The following FYB1 variants were observed in gnomAD, a reference collection of about 807,000 sequenced individuals.
FYB1 encodes the protein FYN-binding protein 1.
Under a neutral mutation model 94.1 loss-of-function variants are expected in FYB1, and 41 were observed. That is an observed-to-expected ratio of 0.44 (90% CI 0.34 to 0.57). FYB1 has a LOEUF of 0.57. Ranked by LOEUF, FYB1 falls within the 20% of genes least tolerant of loss-of-function variation. The pLI is 0.02. For missense variants in FYB1, 1,050 were observed against 976.8 expected (o/e 1.07, Z -1.00); for synonymous variants, 367 against 353.2 (o/e 1.04, Z -0.44).
At chr5:39,244,691 AT>A (rs1473382820) in intron 1 of FYB1, among the ~76,000 whole-genome samples, 1 of 152,040 alleles carries the variant, frequency 6.6e-6, no homozygotes, top group Admixed American at 6.6e-5. Flanking sequence ...TTTTCTATTG[AT>A]TGGAATAGTT....
At chr5:39,265,045 C>T (rs1055376022) in intron 1 of FYB1, among the ~76,000 whole-genome samples, 17 of 152,238 alleles carry the variant, frequency 1.1e-4, no homozygotes, top group Middle Eastern at 3.4e-3. Flanking sequence ...ATTAGAAATG[C>T]ACATTTTTGG....
chr5:39,218,235 C>T (rs1485285185), intron 1 of FYB1, among the ~76,000 whole-genome samples: 1 of 152,176 alleles, frequency 6.6e-6, no homozygotes, highest in Non-Finnish European at 1.5e-5. Flanking sequence ...CTTAAGTGCA[C>T]CATAACGCCT....
intron 1 of FYB1, among the ~76,000 whole-genome samples, chr5:39,237,528 G>C (rs548845781): frequency 6.6e-6 from 1 of 151,968 alleles, no homozygotes; most frequent in East Asian, 1.9e-4. Flanking sequence ...CAATCAATAA[G>C]ATATCATCAT....
chr5:39,168,199 G>C (rs62358713), intron 2 of FYB1, among the ~76,000 whole-genome samples: 51 of 152,100 alleles, frequency 3.4e-4, no homozygotes, highest in African/African-American at 1.1e-3. Flanking sequence ...TTTAATTAAA[G>C]TGCCGTAATC....
Position 39,134,288 on chromosome 5 carries a change from G to T in FYB1, c.1737C>A (p.Asp579Glu). 6.2e-7 allele frequency: 1 copy of T among 1,611,026 alleles called. No homozygotes were observed. Among genetic ancestry groups the T allele is most frequent in the Non-Finnish European group, 8.5e-7 (1 of 1,177,454 alleles). ...IDYDSLKLKK[D>E]SLGAPSRPIE... is the part of the protein sequence containing the mutation. ...TAGGTCTTGAAGGGGCACCAAGAGAGTCTTTTTTCAGTTTCAAAGAATCAT... is the reference window on the plus strand; with the variant it reads ...TAGGTCTTGAAGGGGCACCAAGAGATTCTTTTTTCAGTTTCAAAGAATCAT... Residue 579 changes from aspartate to glutamate, a missense_variant, in exon 9 of 19, where the codon GAC (aspartate) becomes GAA (glutamate). By Grantham distance (45) the Asp-to-Glu change is conservative. Transcript: ENST00000512982.
At chr5:39,214,402 G>C (rs1014103929) in intron 1 of FYB1, among the ~76,000 whole-genome samples, 6 of 152,170 alleles carry the variant, frequency 3.9e-5, no homozygotes, top group Admixed American at 1.3e-4. Context: ...ATACCCAAAA[G>C]AACTGAAAGC....
At chr5:39,111,093 T>C (rs1471817395) in intron 16 of FYB1, among the ~76,000 whole-genome samples, 3 of 151,850 alleles carry the variant, frequency 2.0e-5, no homozygotes, top group Non-Finnish European at 4.4e-5. Context: ...AGCTAAGTTT[T>C]GTTGTTGTTG....
intron 2 of FYB1, among the ~76,000 whole-genome samples, chr5:39,163,926 T>C (rs1230686220): frequency 6.6e-6 from 1 of 152,186 alleles, no homozygotes; most frequent in African/African-American, 2.4e-5. Flanking sequence ...GCACTAGAAA[T>C]CAAGTTTTAG....
intron 2 of FYB1, among the ~76,000 whole-genome samples, chr5:39,163,872 G>T (rs978438157): frequency 1.3e-5 from 2 of 152,068 alleles, no homozygotes; most frequent in Non-Finnish European, 2.9e-5. Context: ...AATATGAAAA[G>T]TTATTTTAAA....
chr5:39,239,263 T>C (rs1185075731), intron 1 of FYB1, among the ~76,000 whole-genome samples: 4 of 151,862 alleles, frequency 2.6e-5, no homozygotes, highest in African/African-American at 7.3e-5. Flanking sequence ...AGAAAAGTAT[T>C]TTCACTCTCA....
At chr5:39,200,763 C>T (rs898740796) in intron 2 of FYB1, among the ~76,000 whole-genome samples, 7 of 152,112 alleles carry the variant, frequency 4.6e-5, no homozygotes, top group Admixed American at 6.5e-5. Context: ...AGTGCAAAAA[C>T]GAAAAACAAC....
chr5:39,201,965 C>G lies in FYB1; in HGVS notation c.996G>C (p.Lys332Asn). The G allele has an allele frequency of 6.2e-7, 1 of 1,614,002 alleles. No individual in the cohort carries two copies. Among genetic ancestry groups the G allele is most frequent in the Non-Finnish European group, 8.5e-7 (1 of 1,179,890 alleles). ...VGGPWGQSQE[K>N]EKGDKNSATP... ...TGGCTGAATTCTTGTCTCCCTTTTC[C>G]TTTTCCTGACTTTGGCCCCATGGCC... is the stretch of plus-strand genomic sequence containing the variant. The change falls in exon 2 of 19, where the codon AAG becomes AAC. Residue 332 changes from lysine to asparagine, a missense_variant. Lys to Asn is a moderately conservative substitution (Grantham distance 94). Transcript: ENST00000512982.
chr5:39,126,177 G>T, intron 11 of FYB1, 42 bp from the exon 12 acceptor site: 1 of 1,596,312 alleles, frequency 6.3e-7, no homozygotes. Flanking sequence ...AATAATCAGC[G>T]GCAAGTGAAG....
intron 7 of FYB1, chr5:39,137,394 C>A (rs1741761331): frequency 7.1e-6 from 3 of 425,210 alleles, no homozygotes; most frequent in Non-Finnish European, 8.1e-6. Flanking sequence ...AATTATGAAC[C>A]AATATATTTA....
At chr5:39,248,218 A>T (rs990649495) in intron 1 of FYB1, among the ~76,000 whole-genome samples, 1 of 152,224 alleles carries the variant, frequency 6.6e-6, no homozygotes, top group African/African-American at 2.4e-5. Context: ...TAAGCTTCTG[A>T]CACCAGCCAG....
intron 2 of FYB1, among the ~76,000 whole-genome samples, chr5:39,181,788 C>G (rs1746263783): frequency 6.6e-6 from 1 of 152,170 alleles, no homozygotes; most frequent in Non-Finnish European, 1.5e-5. Context: ...TATCTCCAAA[C>G]CCAACCTCTT....
chr5:39,172,617 G>T (rs1745350781), intron 2 of FYB1, among the ~76,000 whole-genome samples: 1 of 152,038 alleles, frequency 6.6e-6, no homozygotes, highest in South Asian at 2.1e-4. Flanking sequence ...TGTGTCTAGT[G>T]GTCCCCAGGG....
intron 2 of FYB1, among the ~76,000 whole-genome samples, chr5:39,195,036 C>T (rs986358390): frequency 1.3e-5 from 2 of 152,118 alleles, no homozygotes; most frequent in African/African-American, 2.4e-5. Context: ...GAAGCTGAAC[C>T]ACGCCGTTGA....
intron 1 of FYB1, among the ~76,000 whole-genome samples, chr5:39,219,016 A>AAGTT (rs1163804720): frequency 6.6e-6 from 1 of 152,208 alleles, no homozygotes; most frequent in Non-Finnish European, 1.5e-5. Context: ...AGGAAATTGA[A>AAGTT]AGTTACTCTT....
Sources: gnomAD v4.1 joint callset for allele counts (sites outside exome capture counted in the v4.1 genomes callset) on GRCh38, gnomAD v4.1.1 for gene constraint, MANE v1.5 for transcripts, NCBI Gene and HGNC (gene_info 2026-07-23, HGNC 2026-07-21) for gene names.